RBFOX1: variants seen among roughly 807,000 people sequenced by gnomAD.
RBFOX1 encodes the protein RNA binding protein fox-1 homolog 1.
A neutral mutation model predicts 57.7 loss-of-function variants in RBFOX1; 8 were observed. That is an observed-to-expected ratio of 0.14 (90% confidence interval 0.08 to 0.25). RBFOX1 has a LOEUF of 0.25. Ranked by LOEUF, RBFOX1 falls within the 10% of genes least tolerant of loss-of-function variation. The pLI is 1.00. For missense variants in RBFOX1, 611 were observed against 548.5 expected, an observed-to-expected ratio of 1.11 and a Z score of -1.14; for synonymous variants, 326 against 222.4, an observed-to-expected ratio of 1.47 and a Z score of -4.15.
At chr16:7,544,659 C>A (rs2083906690) in intron 5 of RBFOX1, among the ~76,000 whole-genome samples, 1 of 152,098 alleles carries the variant, frequency 6.6e-6, no homozygotes, top group Admixed American at 6.5e-5. Context: ...TAGGCAACAC[C>A]TTGATTTTGA....
At chr16:6,973,705 A>G (rs1298778608) in intron 3 of RBFOX1, among the ~76,000 whole-genome samples, 1 of 152,204 alleles carries the variant, frequency 6.6e-6, no homozygotes, top group Admixed American at 6.5e-5. Flanking sequence ...GTGTTGAATC[A>G]TGTTTGTGAT....
intron 3 of RBFOX1, among the ~76,000 whole-genome samples, chr16:6,918,526 T>C (rs544003941): frequency 6.6e-6 from 1 of 152,172 alleles, no homozygotes; most frequent in African/African-American, 2.4e-5. Flanking sequence ...TTCATAACTT[T>C]CATGTTGCAA....
chr16:7,369,106 G>C (rs535053216), intron 4 of RBFOX1, among the ~76,000 whole-genome samples: 1 of 152,210 alleles, frequency 6.6e-6, no homozygotes, highest in Admixed American at 6.5e-5. Context: ...GGAAGAAGGA[G>C]GTTTTTCACA....
At chr16:6,970,825 T>G (rs930289073) in intron 3 of RBFOX1, among the ~76,000 whole-genome samples, 5 of 152,178 alleles carry the variant, frequency 3.3e-5, no homozygotes, top group African/African-American at 1.2e-4. Context: ...CAAAAGTGAC[T>G]ACTTGGAATA....
chr16:5,715,139 G>T (rs2051643166), intron 3 of RBFOX1, among the ~76,000 whole-genome samples: 1 of 152,086 alleles, frequency 6.6e-6, no homozygotes, highest in Admixed American at 6.5e-5. Context: ...CTCATTCCTT[G>T]GTAATGCATT....
At chr16:7,702,660 A>G (rs965466561) in intron 14 of RBFOX1, among the ~76,000 whole-genome samples, 29 of 152,162 alleles carry the variant, frequency 1.9e-4, no homozygotes, top group African/African-American at 6.5e-4. Flanking sequence ...TTCCTGGCCA[A>G]TATTGGCTGT....
intron 3 of RBFOX1, among the ~76,000 whole-genome samples, chr16:5,854,247 T>C (rs185310062): frequency 1.3e-5 from 2 of 152,338 alleles, no homozygotes; most frequent in African/African-American, 2.4e-5. Context: ...GTATTGTTCA[T>C]TGTCATCACA....
chr16:7,496,896 A>G (rs1220568509), intron 4 of RBFOX1, among the ~76,000 whole-genome samples: 2 of 152,150 alleles, frequency 1.3e-5, no homozygotes, highest in African/African-American at 2.4e-5. Context: ...AAAAATTAGG[A>G]TTAGAGTCAT....
intron 4 of RBFOX1, among the ~76,000 whole-genome samples, chr16:7,233,381 C>A (rs1302939213): frequency 1.3e-5 from 2 of 152,162 alleles, no homozygotes; most frequent in African/African-American, 4.8e-5. Context: ...CTTCCAAGTC[C>A]TGATCACCAT....
intron 1 of RBFOX1, among the ~76,000 whole-genome samples, chr16:6,163,028 C>T (rs557570654): frequency 2.0e-5 from 3 of 152,298 alleles, no homozygotes; most frequent in African/African-American, 7.2e-5. Context: ...ACCACTGTGC[C>T]TATCCCACAA....
intron 4 of RBFOX1, among the ~76,000 whole-genome samples, chr16:7,385,322 G>C (rs1297350350): frequency 2.0e-5 from 3 of 152,192 alleles, no homozygotes; most frequent in Non-Finnish European, 2.9e-5. Flanking sequence ...GGTCATAGTG[G>C]TTTGAACTGG....
At chr16:7,124,542 T>TCTTC (rs2067983387) in intron 4 of RBFOX1, among the ~76,000 whole-genome samples, 2 of 81,544 alleles carry the variant, frequency 2.5e-5, no homozygotes, top group Non-Finnish European at 4.7e-5. Context: ...TCCTTCCCTC[T>TCTTC]CTCCCTCCCT....
At chr16:5,902,614 C>G (rs796550434) in intron 4 of RBFOX1, among the ~76,000 whole-genome samples, 52 of 152,174 alleles carry the variant, frequency 3.4e-4, no homozygotes, top group African/African-American at 1.2e-3. Flanking sequence ...CAGGATTTCA[C>G]TATGTTAGCC....
intron 4 of RBFOX1, among the ~76,000 whole-genome samples, chr16:7,223,108 G>T (rs183590658): frequency 2.0e-5 from 3 of 152,216 alleles, no homozygotes; most frequent in South Asian, 4.1e-4. Context: ...CAACTGAGGT[G>T]AATAAAGGTA....
chr16:6,732,515 C>G (rs887717664), intron 3 of RBFOX1, among the ~76,000 whole-genome samples: 1 of 152,148 alleles, frequency 6.6e-6, no homozygotes, highest in Non-Finnish European at 1.5e-5. Context: ...GGATCGTAAT[C>G]TAGAAAACAT....
intron 3 of RBFOX1, among the ~76,000 whole-genome samples, chr16:6,924,298 C>T (rs1567903407): frequency 1.3e-5 from 2 of 152,116 alleles, no homozygotes; most frequent in Non-Finnish European, 1.5e-5. Flanking sequence ...TGCTCTGCTT[C>T]TGGTGAGGCC....
At chr16:6,028,883 C>G (rs952208233) in intron 1 of RBFOX1, among the ~76,000 whole-genome samples, 1 of 152,180 alleles carries the variant, frequency 6.6e-6, no homozygotes, top group Non-Finnish European at 1.5e-5. Flanking sequence ...TGCGAAAGGA[C>G]AAAGTCATGG....
chr16:6,250,999 A>T (rs2097606109), intron 1 of RBFOX1, among the ~76,000 whole-genome samples: 2 of 152,034 alleles, frequency 1.3e-5, no homozygotes, highest in South Asian at 2.1e-4. Flanking sequence ...TGGGGTGGGG[A>T]GTGTGAGATG....
In RBFOX1 at chr16:5,307,883, G is replaced by A. The variant is rs560577912; in HGVS notation, c.219+67778G>A. On this transcript the variant is annotated intron_variant, in intron 1 of 2. Coordinates refer to the RBFOX1 transcript ENST00000585867. ...TGTAAACATGAGATCTCACCATGTG[G>A]CCCTGGCTGGTCTTGAGATCCAGGC... 2.6e-5 allele frequency among the ~76,000 whole-genome samples: 4 copies of A among 152,096 alleles called. No homozygotes were observed. In the East Asian group the frequency reaches 5.8e-4, roughly 22 times the overall value.
Sources: allele counts gnomAD v4.1 joint callset (sites outside exome capture counted in the v4.1 genomes callset), GRCh38; gene constraint gnomAD v4.1.1; transcripts MANE v1.5; gene names NCBI Gene and HGNC (gene_info 2026-07-23, HGNC 2026-07-21).